HSF4: variants seen among roughly 807,000 people sequenced by gnomAD.
The protein encoded by HSF4 is heat shock factor protein 4.
Under a neutral mutation model 52.0 loss-of-function variants are expected in HSF4, and 41 were observed. That is an observed-to-expected ratio of 0.79 (90% CI 0.61 to 1.02). HSF4 has a LOEUF of 1.02. HSF4 is among the 50% of genes least tolerant of loss of function. The pLI is 0.00. For missense variants in HSF4, 610 were observed against 651.1 expected, an observed-to-expected ratio of 0.94 and a Z score of 0.69; for synonymous variants, 285 against 273.0, an observed-to-expected ratio of 1.04 and a Z score of -0.43.
Position 67,165,740 on chromosome 16 carries a change from G to A in HSF4, c.254G>A (p.Ser85Asn). The change falls in exon 3 of 13, where the codon AGC (serine) becomes AAC (asparagine). Residue 85 changes from serine (S) to asparagine (N), a missense_variant. Ser to Asn is a conservative substitution (Grantham distance 46, BLOSUM62 1). Coordinates refer to ENST00000521374, the MANE Select transcript of HSF4 (RefSeq NM_001374675.1). The surrounding 1 kb of genome is among the most constrained non-coding windows in gnomAD (Gnocchi z 6.9). The stretch of plus-strand genomic sequence containing the variant: ...CCAGACGGTTTTCGGAAGGTGGTGA[G>A]CATCGAGCAGGGCGGCCTGCTTAGG... ...LNMYGFRKVV[S>N]IEQGGLLRPE... 1 of 1,611,800 alleles carries A rather than the reference G, an allele frequency of 6.2e-7. No individual in the cohort carries two copies. The highest frequency in any genetic ancestry group is 8.5e-7 in the Non-Finnish European group (1 of 1,179,798).
At position 67,165,661 on chromosome 16, in the gene HSF4, G is replaced by GAT; in HGVS notation, c.232+32_232+33dup. On this transcript the variant is annotated intron_variant, in intron 2 of 12. Transcript: ENST00000521374. The surrounding 1 kb of genome is among the most constrained non-coding windows in gnomAD (Gnocchi z 6.9). ...TCCCTACGGCCGGGCGGGGAGCGGG[G>GAT]ATGGGGGACTCGGTGCCGGGGATGG... The GAT allele has an allele frequency of 6.2e-7, 1 of 1,612,612 alleles. No individual in the cohort carries two copies. The highest frequency in any genetic ancestry group is 1.1e-5 in the South Asian group (1 of 91,088).
Position 67,166,615 on chromosome 16 carries a change from A to G in HSF4, c.619A>G (p.Arg207Gly). 6.2e-7 allele frequency: 1 copy of G among 1,613,868 alleles called. No individual in the cohort carries two copies. The highest frequency in any genetic ancestry group is 8.5e-7 in the Non-Finnish European group (1 of 1,179,958). Residue 207 changes from arginine (R) to glycine (G), a missense_variant, in exon 6 of 13, where the codon AGA becomes GGA. Coordinates refer to ENST00000521374, the MANE Select transcript of HSF4 (RefSeq NM_001374675.1). ...QAGPSNAGGK[R>G]KLSLMLDEGS... ...GGGGCCGAGCAATGCAGGAGGCAAG[A>G]GAAAGCTGTGAGTGAGAAAGCCAAG...
Position 67,169,601 on chromosome 16 carries a change from C to T in HSF4, c.1325-30C>T. 1 of 1,602,550 alleles carries T rather than the reference C, an allele frequency of 6.2e-7. No individual in the cohort carries two copies. The highest frequency in any genetic ancestry group is 8.5e-7 in the Non-Finnish European group (1 of 1,179,874). On this transcript the variant is annotated intron_variant, in intron 12 of 12. Coordinates refer to ENST00000521374, the MANE Select transcript of HSF4 (RefSeq NM_001374675.1). The surrounding 1 kb of genome is among the most constrained non-coding windows in gnomAD (Gnocchi z 4.3). ...CTGAAGAAAGGAGGGGGAACATTTC[C>T]CCTGGTGAGCGCAGTCCCACTTCTC... is the stretch of plus-strand genomic sequence containing the variant.
chr16:67,166,815 C>A (rs1251698548), intron 6 of HSF4, among the ~76,000 whole-genome samples, 193 bp downstream of exon 6: 2 of 152,066 alleles, frequency 1.3e-5, no homozygotes, highest in African/African-American at 4.8e-5. Context: ...CTCCCAGATC[C>A]TCCCATTCCA....
chr16:67,169,657 C>G lies in HSF4; in HGVS notation c.1351C>G (p.Leu451Val). The G allele has an allele frequency of 6.2e-7, 1 of 1,610,988 alleles. No homozygotes were observed. Among genetic ancestry groups the G allele is most frequent in the South Asian group, 1.1e-5 (1 of 91,088 alleles). Residue 451 changes from leucine to valine, a missense_variant, in exon 13 of 13, where the codon CTC (leucine) becomes GTC (valine). Coordinates refer to ENST00000521374, the MANE Select transcript of HSF4 (RefSeq NM_001374675.1). The surrounding 1 kb of genome is among the most constrained non-coding windows in gnomAD (Gnocchi z 4.3). Reference protein sequence around the residue: ...PGKDPTLGAPLLLDVQAALGG... With the variant: ...PGKDPTLGAPVLLDVQAALGG... ...GAAGGACCCCACGCTCGGGGCCCCA[C>G]TCCTGCTGGATGTCCAGGCGGCCTT... is the stretch of plus-strand genomic sequence containing the variant.
chr16:67,165,077 G>A lies in HSF4; in HGVS notation c.123+143G>A. 1 of 919,334 alleles carries A rather than the reference G, an allele frequency of 1.1e-6. No individual in the cohort carries two copies. Among genetic ancestry groups the A allele is most frequent in the Non-Finnish European group, 1.6e-6 (1 of 628,152 alleles). The allele number at this position is 919,334 out of a possible 1,614,324, so 56.9% of individuals were successfully genotyped here. A position where few individuals can be genotyped will look rare whatever the true frequency, so the allele number is the denominator to read the frequency against. On this transcript the variant is annotated intron_variant, in intron 1 of 12. Transcript: ENST00000521374. This position sits in a 1 kb window ranked among gnomAD's most constrained non-coding sequence, Gnocchi z 6.9. ...TTCAGAGAAGTTCACCTTGGAGGGG[G>A]TGTGCGAGAGGGGGGTTTCCTCTGC...
At position 67,165,647 on chromosome 16, in the gene HSF4, G is replaced by C; in HGVS notation, c.232+17G>C. 1 of 1,612,796 alleles carries C rather than the reference G, an allele frequency of 6.2e-7. No individual in the cohort carries two copies. Among genetic ancestry groups the C allele is most frequent in the Non-Finnish European group, 8.5e-7 (1 of 1,179,882 alleles). Reference sequence around the variant, plus strand: ...TCAACATGTGTGAGTCCCTACGGCCGGGCGGGGAGCGGGGATGGGGGACTC... The same window carrying C: ...TCAACATGTGTGAGTCCCTACGGCCCGGCGGGGAGCGGGGATGGGGGACTC... On this transcript the variant is annotated intron_variant, in intron 2 of 12. Transcript: ENST00000521374. The surrounding 1 kb of genome is among the most constrained non-coding windows in gnomAD (Gnocchi z 6.9).
chr16:67,167,037 T>TGAGG, intron 6 of HSF4, 83 bp from the exon 7 acceptor site: 1 of 1,596,714 alleles, frequency 6.3e-7, no homozygotes, highest in Non-Finnish European at 8.6e-7. Context: ...TGCTGGGGCC[T>TGAGG]GAGGGAGGGA....
Position 67,167,480 on chromosome 16 carries a change from C to T in HSF4, c.735C>T (p.Leu245=). ...GCCTAGCCTTCTACTTACAGCCTCT[C>T]CCAGAGACAAATTTGGGCCTTAGCC... ...LQDPYFIQSP[L]PETNLGLSPH... is the part of the protein sequence containing the mutation. The change falls in exon 8 of 13, where the codon CTC becomes CTT. Residue 245 remains leucine (L), a synonymous_variant. Coordinates refer to ENST00000521374, the MANE Select transcript of HSF4 (RefSeq NM_001374675.1). 6.2e-7 allele frequency: 1 copy of T among 1,613,830 alleles called. No homozygotes were observed. The highest frequency in any genetic ancestry group is 1.7e-5 in the Admixed American group (1 of 60,038).
intron 4 of HSF4, 61 bp from the exon 5 acceptor site, chr16:67,166,259 G>A: frequency 6.6e-7 from 1 of 1,517,224 alleles, no homozygotes; most frequent in South Asian, 1.2e-5. Flanking sequence ...TCGCCATTCT[G>A]TGGGGGGTGG....
Position 67,169,867 on chromosome 16 carries a change from G to GCC in HSF4, c.*82_*83insCC. The GCC allele has an allele frequency of 6.8e-7, 1 of 1,481,020 alleles. No individual in the cohort carries two copies. The highest frequency in any genetic ancestry group is 9.4e-7 in the Non-Finnish European group (1 of 1,062,774). The allele number at this position is 1,481,020 out of a possible 1,614,324, so 91.7% of individuals were successfully genotyped here. ...CTTCCTGGCGCCCCCTATCGGGGGTGAGCGAAGCCCCCACTACTAAATGGC... is the reference window on the plus strand; with the variant it reads ...CTTCCTGGCGCCCCCTATCGGGGGTGCCAGCGAAGCCCCCACTACTAAATGGC... On this transcript the variant is annotated 3_prime_UTR_variant, in exon 13 of 13. Coordinates refer to ENST00000521374, the MANE Select transcript of HSF4 (RefSeq NM_001374675.1). This position sits in a 1 kb window ranked among gnomAD's most constrained non-coding sequence, Gnocchi z 4.3.
Position 67,167,775 on chromosome 16 carries a change from G to A in HSF4, c.910G>A (p.Glu304Lys), listed in dbSNP as rs778828995. The A allele has an allele frequency of 6.1e-5, 98 of 1,602,502 alleles. No homozygotes were observed. The South Asian group carries it at 1.0e-3, about 16-fold the overall frequency. The change falls in exon 9 of 13, where the codon GAG (glutamate) becomes AAG (lysine). Residue 304 changes from glutamate to lysine, a missense_variant. By Grantham distance (56) the Glu-to-Lys change is moderately conservative. Transcript: ENST00000521374. ...GCCGGCCAGTCCAGGGGGGGATGGCGAGGCCGGGCTGGCCCTGGCCCCAAA... is the reference window on the plus strand; with the variant it reads ...GCCGGCCAGTCCAGGGGGGGATGGCAAGGCCGGGCTGGCCCTGGCCCCAAA... ...EEPASPGGDG[E>K]AGLALAPNEC... is the part of the protein sequence containing the mutation.
chr16:67,166,370 G>A lies in HSF4; in HGVS notation c.536G>A (p.Gly179Asp), dbSNP rs377630856. Residue 179 changes from glycine (G) to aspartate (D), a missense_variant, in exon 5 of 13, where the codon GGT becomes GAT. Transcript: ENST00000521374. ...REVVTLRQSH[G>D]QQHRVIGKLI... ...GTGGTGACACTTCGGCAGAGCCACG[G>A]TCAGCAGCACCGGGTCATTGGCAAG... 1 of 1,609,938 alleles carries A rather than the reference G, an allele frequency of 6.2e-7. No individual in the cohort carries two copies. Among genetic ancestry groups the A allele is most frequent in the South Asian group, 1.1e-5 (1 of 90,384 alleles).
Position 67,168,920 on chromosome 16 carries a change from C to T in HSF4, c.1172C>T (p.Pro391Leu), listed in dbSNP as rs1644687130. ...LLQPPQESVEPAGPLDVLGPS... is the reference protein window; with the variant it reads ...LLQPPQESVELAGPLDVLGPS... ...CAGCCCCCTCAAGAAAGTGTGGAACCTGCAGGGCCTCTAGATGTGAGTACC... is the reference window on the plus strand; with the variant it reads ...CAGCCCCCTCAAGAAAGTGTGGAACTTGCAGGGCCTCTAGATGTGAGTACC... Residue 391 changes from proline (P) to leucine (L), a missense_variant, in exon 10 of 13, where the codon CCT becomes CTT. Physicochemically the swap from Pro to Leu is moderately conservative, Grantham distance 98. Coordinates refer to ENST00000521374, the MANE Select transcript of HSF4 (RefSeq NM_001374675.1). 1 of 1,613,902 alleles carries T rather than the reference C, an allele frequency of 6.2e-7. No homozygotes were observed. Among genetic ancestry groups the T allele is most frequent in the Non-Finnish European group, 8.5e-7 (1 of 1,179,958 alleles).
chr16:67,164,010 C>A, upstream of HSF4: 1 of 801,506 alleles, frequency 1.2e-6, no homozygotes, highest in Non-Finnish European at 2.1e-6. Context: ...CTGCTCTCAC[C>A]CTCTGCAGAC....
chr16:67,165,997 C>A lies in HSF4; in HGVS notation c.412C>A (p.Arg138=), dbSNP rs1322408666. The change falls in exon 4 of 13, where the codon CGA becomes AGA. Residue 138 remains arginine, a synonymous_variant. Coordinates refer to ENST00000521374, the MANE Select transcript of HSF4 (RefSeq NM_001374675.1). The surrounding 1 kb of genome is among the most constrained non-coding windows in gnomAD (Gnocchi z 6.9). ...DGRWRPEDLG[R]LLGEVQALRG... ...CCGCTGGCGCCCGGAGGACCTGGGT[C>A]GACTACTGGGCGAGGTGCAGGCTTT... 6.5e-7 allele frequency: 1 copy of A among 1,544,326 alleles called. No homozygotes were observed. Among genetic ancestry groups the A allele is most frequent in the Non-Finnish European group, 8.7e-7 (1 of 1,153,052 alleles).
chr16:67,164,136 G>T, upstream of HSF4: 1 of 650,774 alleles, frequency 1.5e-6, no homozygotes, highest in Non-Finnish European at 2.8e-6. Context: ...CGCGGGCCGG[G>T]CCTCAAGGGT....
Position 67,167,825 on chromosome 16 carries a change from C to T in HSF4, c.960C>T (p.Ala320=), listed in dbSNP as rs557202268. ...ACGAGTGTGACTTCTGCGTGACAGC[C>T]CCCCCGCCACTGCCTGTGGCTGTGG... ...APNECDFCVT[A]PPPLPVAVVQ... The change falls in exon 9 of 13, where the codon GCC becomes GCT. Residue 320 remains alanine, a synonymous_variant. Coordinates refer to ENST00000521374, the MANE Select transcript of HSF4 (RefSeq NM_001374675.1). 2.5e-6 allele frequency: 4 copies of T among 1,594,938 alleles called. No individual in the cohort carries two copies. Among genetic ancestry groups the T allele is most frequent in the East Asian group, 4.6e-5 (2 of 43,940 alleles).
Position 67,165,629 on chromosome 16 carries a change from G to T in HSF4, c.231G>T (p.Met77Ile), listed in dbSNP as rs781119313. 1 of 1,612,934 alleles carries T rather than the reference G, an allele frequency of 6.2e-7. No individual in the cohort carries two copies. The highest frequency in any genetic ancestry group is 2.2e-5 in the East Asian group (1 of 44,866). Residue 77 changes from methionine to isoleucine, a missense_variant and splice_region_variant, in exon 2 of 13, where the codon ATG becomes ATT. By Grantham distance (10) the Met-to-Ile change is conservative. Transcript: ENST00000521374. The surrounding 1 kb of genome is among the most constrained non-coding windows in gnomAD (Gnocchi z 6.9). ...CGAGCTTCGTGCGCCAACTCAACAT[G>T]TGTGAGTCCCTACGGCCGGGCGGGG... ...NMASFVRQLN[M>I]YGFRKVVSIE...
Sources: allele counts gnomAD v4.1 joint callset (sites outside exome capture counted in the v4.1 genomes callset), GRCh38; gene constraint gnomAD v4.1.1; non-coding constraint Gnocchi (gnomAD v3.1); transcripts MANE v1.5; gene names NCBI Gene and HGNC (gene_info 2026-07-23, HGNC 2026-07-21).